NALCN: variants seen among roughly 807,000 people sequenced by gnomAD.
The protein encoded by NALCN is sodium leak channel NALCN.
A neutral mutation model predicts 225.3 loss-of-function variants in NALCN; 111 were observed. The observed-to-expected ratio is 0.49, with a 90% CI of 0.42 to 0.58. The LOEUF (loss-of-function observed/expected upper bound fraction) is 0.58, where lower values mean the gene tolerates loss of function less well. Ranked by LOEUF, NALCN falls within the 20% of genes least tolerant of loss-of-function variation. The pLI is 0.00. For missense variants in NALCN, 1,378 were observed against 2,202.4 expected (o/e 0.63, Z 7.49); for synonymous variants, 764 against 769.0 (o/e 0.99, Z 0.11).
In NALCN at chr13:101,180,204, C is replaced by CTTTTT. The variant is rs71200724; in HGVS notation, c.1765-3835_1765-3831dup. On this transcript the variant is annotated intron_variant, in intron 14 of 43. Coordinates refer to ENST00000251127, the MANE Select transcript of NALCN (RefSeq NM_052867.4). Reference sequence around the variant, plus strand: ...TAATCCACTATACTCTCCACCTGGTCTTTTTTTTTTTTTTTTTTTTGAGAC... The same window carrying CTTTTT: ...TAATCCACTATACTCTCCACCTGGTCTTTTTTTTTTTTTTTTTTTTTTTTTGAGAC... 1.9e-3 allele frequency among the ~76,000 whole-genome samples: 209 copies of CTTTTT among 109,962 alleles called. 10 individuals are homozygous for CTTTTT. The highest frequency in any genetic ancestry group is 0.013 in the South Asian group (38 of 3,010). 72.1% of individuals were successfully genotyped at this position (109,962 alleles called of 152,430 possible). A position where few individuals can be genotyped will look rare whatever the true frequency, so the allele number is the denominator to read the frequency against.
At position 101,237,906 on chromosome 13, in the gene NALCN, A is replaced by T; in HGVS notation, c.1283T>A (p.Leu428His). The T allele has an allele frequency of 6.2e-7, 1 of 1,605,792 alleles. No individual in the cohort carries two copies. Among genetic ancestry groups the T allele is most frequent in the Non-Finnish European group, 8.5e-7 (1 of 1,176,824 alleles). ...CTTCAGAAGTGCTTCCAAATCAAAA[A>T]GTACTGTAAAAGCCACCTAGAGAAA... is the stretch of plus-strand genomic sequence containing the variant. ...FYLAEVAFTV[L>H]FDLEALLKIW... Residue 428 changes from leucine (L) to histidine (H), a missense_variant, in exon 12 of 44, where the codon CTT becomes CAT. Physicochemically the swap from Leu to His is moderately conservative, Grantham distance 99. Around this residue, in one of 19 missense-constraint regions of NALCN, gnomAD observed 144 missense variants for 187.7 expected, o/e 0.77. Transcript: ENST00000251127.
intron 13 of NALCN, among the ~76,000 whole-genome samples, chr13:101,213,687 G>T (rs1368575809): frequency 6.6e-6 from 1 of 152,166 alleles, no homozygotes; most frequent in African/African-American, 2.4e-5. Context: ...AAAGACACAT[G>T]AAAAAATGCT....
intron 3 of NALCN, among the ~76,000 whole-genome samples, chr13:101,392,432 TA>T (rs2047172693): frequency 6.6e-6 from 1 of 152,158 alleles, no homozygotes; most frequent in Non-Finnish European, 1.5e-5. Flanking sequence ...AAATTAAAAA[TA>T]AACATTTGAC....
At chr13:101,260,180 T>G (rs1171691654) in intron 10 of NALCN, among the ~76,000 whole-genome samples, 1 of 152,212 alleles carries the variant, frequency 6.6e-6, no homozygotes, top group Non-Finnish European at 1.5e-5. Flanking sequence ...TCCAGTTCCA[T>G]CCATGTTGTT....
intron 12 of NALCN, among the ~76,000 whole-genome samples, chr13:101,233,046 G>C (rs762547900): frequency 6.6e-6 from 1 of 152,056 alleles, no homozygotes; most frequent in Non-Finnish European, 1.5e-5. Context: ...TCCTAGAAAG[G>C]AAAAATCCCT....
intron 7 of NALCN, among the ~76,000 whole-genome samples, chr13:101,323,049 G>C (rs2044809485): frequency 1.3e-5 from 2 of 151,972 alleles, no homozygotes; most frequent in African/African-American, 4.8e-5. Context: ...ACTCTATTTT[G>C]TTGAATAAAC....
intron 3 of NALCN, among the ~76,000 whole-genome samples, chr13:101,388,878 G>A (rs374973269): frequency 1.3e-4 from 20 of 152,158 alleles, no homozygotes; most frequent in African/African-American, 4.1e-4. Flanking sequence ...CAATGCATGG[G>A]CAAAGGTTGC....
chr13:101,251,343 C>G (rs78100779), intron 11 of NALCN, among the ~76,000 whole-genome samples: 1,772 of 152,092 alleles, frequency 0.012, 34 homozygotes, highest in African/African-American at 0.041. Flanking sequence ...CTTAATACTT[C>G]ATACTATTAT....
At chr13:101,057,884 G>C (rs2031455272) in intron 43 of NALCN, 55 bp downstream of exon 43, 1 of 1,371,988 alleles carries the variant, frequency 7.3e-7, no homozygotes, top group Non-Finnish European at 1.0e-6. Context: ...CACACAAACA[G>C]AGTAAATACC....
chr13:101,377,150 C>A (rs1475041753), intron 4 of NALCN, 94 bp from the exon 5 acceptor site: 1 of 1,453,038 alleles, frequency 6.9e-7, no homozygotes, highest in East Asian at 2.4e-5. Context: ...TAAGTAGGTG[C>A]ACCTCTACTC....
rs1449196658 is a variant in NALCN at position 101,074,529 on chromosome 13, C to A, written c.4088G>T (p.Gly1363Val). The change falls in exon 36 of 44, where the codon GGG becomes GTG. Residue 1363 changes from glycine (G) to valine (V), a missense_variant. By Grantham distance (109) the Gly-to-Val change is moderately radical. Transcript: ENST00000251127. Reference sequence around the variant, plus strand: ...ATATACCAACCTGTTAATATTCTCCCCATATTTCACAGTACCAAATAAAAC... The same window carrying A: ...ATATACCAACCTGTTAATATTCTCCACATATTTCACAGTACCAAATAAAAC... ...GVVLFGTVKYGENINRHANFS... is the reference protein window; with the variant it reads ...GVVLFGTVKYVENINRHANFS... 6.2e-7 allele frequency: 1 copy of A among 1,609,730 alleles called. No homozygotes were observed. The highest frequency in any genetic ancestry group is 8.5e-7 in the Non-Finnish European group (1 of 1,179,002).
At position 101,243,556 on chromosome 13, in the gene NALCN, A is replaced by G. The variant is rs1263400487; in HGVS notation, c.1267-5634T>C. On this transcript the variant is annotated intron_variant, in intron 11 of 43. Transcript: ENST00000251127. The stretch of plus-strand genomic sequence containing the variant: ...CCTTCACCATGGATACATGTTTTTG[A>G]TGTAATTGTCGTTTGTCTTTTATGC... Among the ~76,000 whole-genome samples, 2 of 104,158 alleles carry G rather than the reference A, an allele frequency of 1.9e-5. 1 individual carries two copies. Among genetic ancestry groups the G allele is most frequent in the East Asian group, 4.9e-4 (2 of 4,078 alleles). 68.3% of individuals were successfully genotyped at this position (104,158 alleles called of 152,430 possible).
chr13:101,090,173 C>T (rs568325993), intron 28 of NALCN, among the ~76,000 whole-genome samples: 38 of 152,022 alleles, frequency 2.5e-4, no homozygotes, highest in African/African-American at 8.4e-4. Flanking sequence ...ATATGGCATT[C>T]GTTTGCTAAA....
chr13:101,295,292 A>G (rs2043702388), intron 7 of NALCN, among the ~76,000 whole-genome samples: 1 of 152,210 alleles, frequency 6.6e-6, no homozygotes, highest in Non-Finnish European at 1.5e-5. Flanking sequence ...TAAACAAACA[A>G]TTTATAATGT....
At chr13:101,328,769 C>G (rs1158590614) in intron 7 of NALCN, among the ~76,000 whole-genome samples, 1 of 152,012 alleles carries the variant, frequency 6.6e-6, no homozygotes, top group Non-Finnish European at 1.5e-5. Flanking sequence ...TGATATGTAC[C>G]ATTTTTATCC....
intron 6 of NALCN, among the ~76,000 whole-genome samples, chr13:101,348,103 C>A (rs2045798099): frequency 6.6e-6 from 1 of 151,992 alleles, no homozygotes; most frequent in Non-Finnish European, 1.5e-5. Flanking sequence ...TTTTTAATTC[C>A]AAATACTTTT....
intron 11 of NALCN, among the ~76,000 whole-genome samples, chr13:101,249,367 G>C (rs1175797855): frequency 6.6e-6 from 1 of 152,154 alleles, no homozygotes; most frequent in Non-Finnish European, 1.5e-5. Context: ...GTGTTCCAGA[G>C]GGACTTTATT....
At chr13:101,324,542 T>C (rs1268886191) in intron 7 of NALCN, among the ~76,000 whole-genome samples, 1 of 152,206 alleles carries the variant, frequency 6.6e-6, no homozygotes, top group Non-Finnish European at 1.5e-5. Flanking sequence ...TTTGAAGCAA[T>C]TGTGAATGGG....
intron 18 of NALCN, among the ~76,000 whole-genome samples, chr13:101,118,035 G>A (rs1433628415): frequency 1.3e-5 from 2 of 152,074 alleles, no homozygotes; most frequent in African/African-American, 4.8e-5. Flanking sequence ...CAAACCCATA[G>A]ACTATAGTAC....
Sources: gnomAD v4.1 joint callset for allele counts (sites outside exome capture counted in the v4.1 genomes callset) on GRCh38, gnomAD v4.1.1 for gene constraint, gnomAD v4.1.1 regional missense constraint, MANE v1.5 for transcripts, NCBI Gene and HGNC (gene_info 2026-07-23, HGNC 2026-07-21) for gene names.